The following BAHCC1 variants were observed in gnomAD, a reference collection of about 807,000 sequenced individuals.
BAHCC1 encodes BAH and coiled-coil domain-containing protein 1.
In BAHCC1, 43 loss-of-function variants were observed where a neutral mutation model predicts 88.2. That is an observed-to-expected ratio of 0.49 (90% CI 0.38 to 0.63). The LOEUF (loss-of-function observed/expected upper bound fraction) is 0.63, where lower values mean the gene tolerates loss of function less well. BAHCC1 is among the 20% of genes least tolerant of loss of function. The pLI is 0.00. For missense variants in BAHCC1, 3,023 were observed against 1,654.8 expected (o/e 1.83, Z -14.34); for synonymous variants, 1,510 against 745.5 (o/e 2.03, Z -16.71).
intron 2 of BAHCC1, among the ~76,000 whole-genome samples, chr17:81,418,788 C>CGCGCATGTGT (rs1568003252): frequency 4.7e-4 from 2 of 4,270 alleles, no homozygotes; most frequent in African/African-American, 1.0e-3. Flanking sequence ...TGTGTGTGTA[C>CGCGCATGTGT]GTGTGTGCGT....
At position 81,456,432 on chromosome 17, in the gene BAHCC1, G is replaced by C. The variant is rs1555657293; in HGVS notation, c.4705G>C (p.Ala1569Pro). The C allele has an allele frequency of 4.2e-6, 3 of 722,754 alleles. No individual in the cohort carries two copies. Among genetic ancestry groups the C allele is most frequent in the East Asian group, 2.7e-5 (1 of 37,708 alleles). The allele number at this position is 722,754 out of a possible 1,614,324, so 44.8% of individuals were successfully genotyped here. The change falls in exon 16 of 28, where the codon GCT becomes CCT. Residue 1569 changes from alanine (A) to proline (P), a missense_variant. Coordinates refer to ENST00000675386, the MANE Select transcript of BAHCC1 (RefSeq NM_001377448.1). Reference protein sequence around the residue: ...TGLSSFQQKEATPGGRIREKL... With the variant: ...TGLSSFQQKEPTPGGRIREKL... ...CCTCAGCTCTTTCCAGCAGAAGGAG[G>C]CTACCCCCGGGGGGCGCATCCGGGA...
chr17:81,419,503 C>T (rs1161004354), intron 2 of BAHCC1, among the ~76,000 whole-genome samples: 1 of 152,238 alleles, frequency 6.6e-6, no homozygotes, highest in Non-Finnish European at 1.5e-5. Flanking sequence ...GTGCTTGGGA[C>T]CGCCCATCAC....
intron 3 of BAHCC1, among the ~76,000 whole-genome samples, chr17:81,432,476 C>T (rs1055886107): frequency 4.2e-4 from 60 of 141,602 alleles, no homozygotes; most frequent in Non-Finnish European, 7.3e-4. Context: ...CTCCACGCTC[C>T]GAGAACTGTC....
At chr17:81,460,084 A>G (rs1555658670) in intron 23 of BAHCC1, among the ~76,000 whole-genome samples, 193 bp from the exon 24 acceptor site, 1 of 152,052 alleles carries the variant, frequency 6.6e-6, no homozygotes. Flanking sequence ...GTGGCATCAC[A>G]TGGGAGGCAC....
chr17:81,457,923 G>A (rs1224760668), intron 17 of BAHCC1, among the ~76,000 whole-genome samples: 3 of 106,092 alleles, frequency 2.8e-5, no homozygotes, highest in Admixed American at 9.5e-5. Context: ...AGGGGTTGCT[G>A]GGTAACCAGG....
Position 81,447,755 on chromosome 17 carries a change from C to T in BAHCC1, c.3883C>T (p.Leu1295=). 1 of 741,776 alleles carries T rather than the reference C, an allele frequency of 1.3e-6. No individual in the cohort carries two copies. The highest frequency in any genetic ancestry group is 2.5e-6 in the Non-Finnish European group (1 of 399,040). 45.9% of individuals were successfully genotyped at this position (741,776 alleles called of 1,614,324 possible). ...AASGPPSTVP[L]PHSSGIHGIA... is the part of the protein sequence containing the mutation. ...CTCTGGGCCCCCCAGCACAGTCCCC[C>T]TGCCTCATAGCTCAGGGATTCATGG... The change falls in exon 11 of 28, where the codon CTG becomes TTG. Residue 1295 remains leucine (L), a synonymous_variant. Coordinates refer to ENST00000675386, the MANE Select transcript of BAHCC1 (RefSeq NM_001377448.1).
chr17:81,437,662 C>G (rs1180616446), intron 3 of BAHCC1, among the ~76,000 whole-genome samples: 4 of 152,214 alleles, frequency 2.6e-5, no homozygotes, highest in African/African-American at 9.6e-5. Flanking sequence ...GCAGGCCGCT[C>G]AGAAATGTGG....
At chr17:81,412,418 T>C (rs2063965804) in intron 2 of BAHCC1, among the ~76,000 whole-genome samples, 1 of 152,250 alleles carries the variant, frequency 6.6e-6, no homozygotes, top group African/African-American at 2.4e-5. Flanking sequence ...TCAAAAAGTG[T>C]ATGTGAGGCC....
intron 2 of BAHCC1, among the ~76,000 whole-genome samples, chr17:81,423,583 A>G (rs2064140496): frequency 6.6e-6 from 1 of 151,962 alleles, no homozygotes; most frequent in South Asian, 2.1e-4. Context: ...GGTTCCTGGA[A>G]TGGTCCCAGG....
At chr17:81,459,855 T>G (rs2030088114) in intron 23 of BAHCC1, among the ~76,000 whole-genome samples, 1 of 151,808 alleles carries the variant, frequency 6.6e-6, no homozygotes, top group Admixed American at 6.6e-5. Context: ...GCACTGCTGC[T>G]GGGGGTCACA....
At position 81,461,716 on chromosome 17, in the gene BAHCC1, C is replaced by T. The variant is rs1026740290; in HGVS notation, c.7053C>T (p.Asp2351=). Residue 2351 remains aspartate, a synonymous_variant, in exon 26 of 28, where the codon GAC becomes GAT. Transcript: ENST00000675386. The part of the protein sequence containing the change: ...DNEDSSYSSD[D]EDPALLLQTC... Reference sequence around the variant, plus strand: ...AGGACTCGTCCTACAGCTCAGACGACGAGGACCCGGCTCTGCTGCTGCAGA... The same window carrying T: ...AGGACTCGTCCTACAGCTCAGACGATGAGGACCCGGCTCTGCTGCTGCAGA... 1.7e-5 allele frequency: 12 copies of T among 718,840 alleles called. No homozygotes were observed. The highest frequency in any genetic ancestry group is 8.7e-5 in the African/African-American group (5 of 57,352). 44.5% of individuals were successfully genotyped at this position (718,840 alleles called of 1,614,324 possible).
chr17:81,427,764 C>A (rs1435224642), intron 3 of BAHCC1, among the ~76,000 whole-genome samples: 1 of 152,174 alleles, frequency 6.6e-6, no homozygotes, highest in African/African-American at 2.4e-5. Context: ...GAGGTAATTG[C>A]AGTTGGCAGC....
At chr17:81,419,059 A>AG (rs2064080306) in intron 2 of BAHCC1, among the ~76,000 whole-genome samples, 1 of 152,108 alleles carries the variant, frequency 6.6e-6, no homozygotes, top group Non-Finnish European at 1.5e-5. Context: ...GGGTGGGGGA[A>AG]GCATCACTGG....
intron 4 of BAHCC1, among the ~76,000 whole-genome samples, chr17:81,440,735 G>A (rs1217465305): frequency 7.9e-5 from 12 of 152,214 alleles, no homozygotes; most frequent in Admixed American, 2.0e-4. Context: ...CTGGGCAACC[G>A]TTTCAGGGAC....
chr17:81,450,632 C>T (rs1296449423), intron 11 of BAHCC1, among the ~76,000 whole-genome samples: 1 of 152,220 alleles, frequency 6.6e-6, no homozygotes, highest in African/African-American at 2.4e-5. Flanking sequence ...TGGCAGAGCC[C>T]AGCACTGTGT....
Position 81,462,723 on chromosome 17 carries a change from GC to G in BAHCC1, c.7384-14del. The G allele has an allele frequency of 1.4e-6, 1 of 738,200 alleles. No homozygotes were observed. Among genetic ancestry groups the G allele is most frequent in the East Asian group, 2.4e-5 (1 of 40,866 alleles). The allele number at this position is 738,200 out of a possible 1,614,324, so 45.7% of individuals were successfully genotyped here. A position where few individuals can be genotyped will look rare whatever the true frequency, so the allele number is the denominator to read the frequency against. On this transcript the variant is annotated splice_polypyrimidine_tract_variant and intron_variant, in intron 26 of 27. Transcript: ENST00000675386. ...CCCCCCGGCCTCTCAGAGCCACCCT[GC>G]CCATGTCCCCCACAGCGGCGTGGCA... is the stretch of plus-strand genomic sequence containing the variant.
chr17:81,402,868 T>A (rs1207814846), intron 2 of BAHCC1: 1 of 152,244 alleles, frequency 6.6e-6, no homozygotes, highest in Non-Finnish European at 1.5e-5. Context: ...TCCATTGTTT[T>A]TCTAAAAATG....
At chr17:81,426,398 TC>T (rs2064199320) in intron 2 of BAHCC1, among the ~76,000 whole-genome samples, 2 of 40,472 alleles carry the variant, frequency 4.9e-5, no homozygotes, top group African/African-American at 1.8e-4. Context: ...GTGGTGATAG[TC>T]GTGGGTGATG....
intron 11 of BAHCC1, among the ~76,000 whole-genome samples, chr17:81,449,909 A>G (rs2064602742): frequency 6.6e-6 from 1 of 152,090 alleles, no homozygotes; most frequent in African/African-American, 2.4e-5. Flanking sequence ...GGAAGCAGCC[A>G]CGCACCATGG....
Sources: allele counts gnomAD v4.1 joint callset (sites outside exome capture counted in the v4.1 genomes callset), GRCh38; gene constraint gnomAD v4.1.1; transcripts MANE v1.5; gene names NCBI Gene and HGNC (gene_info 2026-07-23, HGNC 2026-07-21).